Variants in TYR observed in about 807,000 individuals in gnomAD.
The protein encoded by TYR is tyrosinase, also known as LB24-AB.
Under a neutral mutation model 51.5 loss-of-function variants are expected in TYR, and 58 were observed. That is an observed-to-expected ratio of 1.13 (90% CI 0.91 to 1.40). TYR has a LOEUF of 1.40. Ranked by LOEUF, TYR falls within the 40% of genes most tolerant of loss-of-function variation. TYR has a pLI of 0.00. For missense variants in TYR, 732 were observed against 647.4 expected (o/e 1.13, Z -1.42); for synonymous variants, 263 against 235.2 (o/e 1.12, Z -1.08).
intron 3 of TYR, among the ~76,000 whole-genome samples, chr11:89,269,251 G>A (rs1297729729): frequency 6.6e-6 from 1 of 151,930 alleles, no homozygotes; most frequent in Non-Finnish European, 1.5e-5. Context: ...AATTCCTACT[G>A]AAAGCCAAGT....
In TYR at chr11:89,261,013, G is replaced by A. The variant is rs193033538; in HGVS notation, c.1185-23760G>A. Among the ~76,000 whole-genome samples, 18 of 152,142 alleles carry A rather than the reference G, an allele frequency of 1.2e-4. No homozygotes were observed. The East Asian group carries it at 3.3e-3, about 28-fold the overall frequency. On this transcript the variant is annotated intron_variant, in intron 3 of 4. Transcript: ENST00000263321. ...AATCTAACGCCTGATGATCTGAGAT[G>A]GAACAGTTTCATCCCAAAACCATCC...
intron 2 of TYR, among the ~76,000 whole-genome samples, chr11:89,198,469 G>C (rs1046181899): frequency 6.6e-6 from 1 of 151,864 alleles, no homozygotes. Flanking sequence ...AAACCTTTCC[G>C]GGCCTGTTTT....
chr11:89,265,549 T>C lies in TYR; in HGVS notation c.1185-19224T>C, dbSNP rs367893809. Among the ~76,000 whole-genome samples the C allele has an allele frequency of 3.8e-4, 58 of 152,210 alleles. 1 individual carries two copies. In the South Asian group the frequency reaches 0.012, roughly 32 times the overall value. On this transcript the variant is annotated intron_variant, in intron 3 of 4. Coordinates refer to ENST00000263321, the MANE Select transcript of TYR (RefSeq NM_000372.5). ...GATTTTAATAGAAATTTCAAAATGT[T>C]CACTATCACAAGTCCATTTGGTTTA...
At chr11:89,211,437 C>T (rs1473977379) in intron 2 of TYR, among the ~76,000 whole-genome samples, 2 of 152,006 alleles carry the variant, frequency 1.3e-5, no homozygotes, top group Non-Finnish European at 2.9e-5. Flanking sequence ...TATAGGAGCA[C>T]CTAGATTCAT....
At chr11:89,179,419 A>G (rs1433322013) in intron 1 of TYR, among the ~76,000 whole-genome samples, 1 of 152,228 alleles carries the variant, frequency 6.6e-6, no homozygotes, top group Middle Eastern at 3.2e-3. Flanking sequence ...TTCATTGAAC[A>G]TCTAGCATGT....
intron 3 of TYR, among the ~76,000 whole-genome samples, chr11:89,250,675 G>A (rs1174763814): frequency 6.6e-6 from 1 of 151,772 alleles, no homozygotes; most frequent in Non-Finnish European, 1.5e-5. Flanking sequence ...TGTCTTCATA[G>A]GGTCTTCCCT....
At chr11:89,192,308 AAAAC>A (rs1022847051) in intron 2 of TYR, among the ~76,000 whole-genome samples, 1 of 151,770 alleles carries the variant, frequency 6.6e-6, no homozygotes, top group Non-Finnish European at 1.5e-5. Flanking sequence ...CAACAAAACA[AAAAC>A]AAACAAAAAA....
chr11:89,226,621 A>C (rs1943980841), intron 2 of TYR, among the ~76,000 whole-genome samples: 1 of 152,136 alleles, frequency 6.6e-6, no homozygotes, highest in Non-Finnish European at 1.5e-5. Context: ...ATAGTGGGAG[A>C]GCACAAGGCA....
At chr11:89,254,829 G>A (rs531213756) in intron 3 of TYR, among the ~76,000 whole-genome samples, 1 of 151,704 alleles carries the variant, frequency 6.6e-6, no homozygotes, top group South Asian at 2.1e-4. Flanking sequence ...ATTTAGTCCT[G>A]CTGTGATATT....
At chr11:89,212,256 T>A (rs1943769065) in intron 2 of TYR, among the ~76,000 whole-genome samples, 2 of 152,122 alleles carry the variant, frequency 1.3e-5, no homozygotes, top group Admixed American at 1.3e-4. Context: ...AAAGAGGATA[T>A]TGCCACTGAT....
chr11:89,266,111 C>T (rs538162478), intron 3 of TYR, among the ~76,000 whole-genome samples: 2 of 152,074 alleles, frequency 1.3e-5, no homozygotes, highest in Admixed American at 6.6e-5. Flanking sequence ...AGGTTGTCAG[C>T]TTCAGTTGAA....
intron 3 of TYR, among the ~76,000 whole-genome samples, chr11:89,276,850 G>A (rs1410253575): frequency 6.6e-6 from 1 of 151,786 alleles, no homozygotes; most frequent in Admixed American, 6.6e-5. Flanking sequence ...ACTATTATTA[G>A]TAACAGAGTG....
At chr11:89,288,604 A>G (rs983491945) in intron 4 of TYR, among the ~76,000 whole-genome samples, 4 of 152,012 alleles carry the variant, frequency 2.6e-5, no homozygotes, top group Non-Finnish European at 5.9e-5. Flanking sequence ...CACGGCTTTG[A>G]ATTTACAAAG....
intron 1 of TYR, among the ~76,000 whole-genome samples, chr11:89,182,806 G>T (rs558567565): frequency 6.6e-6 from 1 of 152,036 alleles, no homozygotes; most frequent in Non-Finnish European, 1.5e-5. Context: ...GCAACCAACA[G>T]ATCAGCTAGC....
At chr11:89,288,406 G>T (rs1847142) in intron 4 of TYR, among the ~76,000 whole-genome samples, 1 of 151,640 alleles carries the variant, frequency 6.6e-6, no homozygotes, top group Non-Finnish European at 1.5e-5. Context: ...TGTCTTCTAC[G>T]CATATGCTCC....
Position 89,227,990 on chromosome 11 carries a change from T to C in TYR, c.1184+20T>C, listed in dbSNP as rs375624095. ...TGACAGGTTGGTTAATATTTCTTTA[T>C]AAATAACGTGCTCATTGGATTTAAA... is the stretch of plus-strand genomic sequence containing the variant. On this transcript the variant is annotated intron_variant, in intron 3 of 4. Coordinates refer to ENST00000263321, the MANE Select transcript of TYR (RefSeq NM_000372.5). The C allele has an allele frequency of 3.9e-5, 63 of 1,612,370 alleles. No individual in the cohort carries two copies. The highest frequency in any genetic ancestry group is 4.9e-5 in the Non-Finnish European group (58 of 1,179,290).
chr11:89,190,536 A>T (rs909645328), intron 1 of TYR, among the ~76,000 whole-genome samples: 2 of 152,182 alleles, frequency 1.3e-5, no homozygotes, highest in Non-Finnish European at 2.9e-5. Flanking sequence ...TGCTATTATC[A>T]AAAGACTCAA....
At chr11:89,198,877 C>G (rs528591544) in intron 2 of TYR, among the ~76,000 whole-genome samples, 17 of 151,884 alleles carry the variant, frequency 1.1e-4, no homozygotes, top group African/African-American at 1.5e-4. Flanking sequence ...CATCATTTAC[C>G]TTAGGTATAT....
At chr11:89,219,544 C>T (rs1409438119) in intron 2 of TYR, among the ~76,000 whole-genome samples, 1 of 152,086 alleles carries the variant, frequency 6.6e-6, no homozygotes, top group East Asian at 1.9e-4. Context: ...CTGTCTCGGC[C>T]TCCCAAAGTG....
Sources: gnomAD v4.1 joint callset for allele counts (sites outside exome capture counted in the v4.1 genomes callset) on GRCh38, gnomAD v4.1.1 for gene constraint, MANE v1.5 for transcripts, NCBI Gene and HGNC (gene_info 2026-07-23, HGNC 2026-07-21) for gene names.